The following PLXNA4 variants were observed in gnomAD, a reference collection of about 807,000 sequenced individuals.
PLXNA4 encodes the protein plexin-A4.
A neutral mutation model predicts 191.8 loss-of-function variants in PLXNA4; 44 were observed. The ratio of observed to expected loss-of-function variants is 0.23; its 90% CI spans 0.18 to 0.29. The LOEUF (loss-of-function observed/expected upper bound fraction) is 0.29. PLXNA4 is among the 10% of genes least tolerant of loss of function. The pLI is 1.00. For missense variants in PLXNA4, 1,800 were observed against 2,488.8 expected (o/e 0.72, Z 5.89); for synonymous variants, 1,082 against 1,009.5 (o/e 1.07, Z -1.36).
intron 3 of PLXNA4, among the ~76,000 whole-genome samples, chr7:132,338,260 G>A (rs573571629): frequency 6.6e-6 from 1 of 152,306 alleles, no homozygotes; most frequent in African/African-American, 2.4e-5. Context: ...TCTGCCACCG[G>A]CACAGGAGCC....
In PLXNA4 at chr7:132,204,442, T is replaced by C. The variant is rs554140377; in HGVS notation, c.2299-1023A>G. Among the ~76,000 whole-genome samples, 18 of 152,318 alleles carry C rather than the reference T, an allele frequency of 1.2e-4. No individual in the cohort carries two copies. In the South Asian group the frequency reaches 3.7e-3, roughly 32 times the overall value. ...CGCCACAAGGGGCAGGATGGAAGAATGGAATTGAGACAGATTTTCTGCATG... is the reference window on the plus strand; with the variant it reads ...CGCCACAAGGGGCAGGATGGAAGAACGGAATTGAGACAGATTTTCTGCATG... On this transcript the variant is annotated intron_variant, in intron 10 of 31. Coordinates refer to ENST00000321063, the MANE Select transcript of PLXNA4 (RefSeq NM_020911.2).
intron 2 of PLXNA4, among the ~76,000 whole-genome samples, chr7:132,502,759 T>C (rs1798307380): frequency 6.6e-6 from 1 of 152,188 alleles, no homozygotes; most frequent in African/African-American, 2.4e-5. Context: ...CTGCAGAGGA[T>C]GCCTGCCCTT....
At chr7:132,306,757 C>T (rs1801537922) in intron 3 of PLXNA4, among the ~76,000 whole-genome samples, 1 of 152,138 alleles carries the variant, frequency 6.6e-6, no homozygotes, top group South Asian at 2.1e-4. Context: ...CATGTGTGCA[C>T]ACACATGTAT....
intron 3 of PLXNA4, among the ~76,000 whole-genome samples, chr7:132,392,146 G>T (rs1158499518): frequency 2.6e-5 from 4 of 151,822 alleles, no homozygotes; most frequent in East Asian, 1.9e-4. Flanking sequence ...AAAAAGAAAA[G>T]ATTCCTGGAA....
At chr7:132,639,407 T>G (rs1298088582) in intron 2 of PLXNA4, among the ~76,000 whole-genome samples, 1 of 152,130 alleles carries the variant, frequency 6.6e-6, no homozygotes, top group Non-Finnish European at 1.5e-5. Flanking sequence ...ACTCTCACCA[T>G]CATGACCATG....
chr7:132,329,976 C>A (rs1263449905), intron 3 of PLXNA4, among the ~76,000 whole-genome samples: 1 of 152,290 alleles, frequency 6.6e-6, no homozygotes, highest in East Asian at 1.9e-4. Context: ...GTCTAAGAGA[C>A]CTTAACTCTT....
intron 2 of PLXNA4, among the ~76,000 whole-genome samples, chr7:132,598,297 C>G (rs2116836609): frequency 6.6e-6 from 1 of 152,112 alleles, no homozygotes; most frequent in South Asian, 2.1e-4. Flanking sequence ...TCAGTAGAGA[C>G]AGGGGGTTTC....
intron 3 of PLXNA4, among the ~76,000 whole-genome samples, chr7:132,373,710 T>G (rs1259904363): frequency 1.3e-5 from 2 of 152,156 alleles, no homozygotes; most frequent in Admixed American, 1.3e-4. Flanking sequence ...TTTTTAGCAG[T>G]GGCTTTAAAT....
At chr7:132,352,827 T>C (rs951856369) in intron 3 of PLXNA4, among the ~76,000 whole-genome samples, 1 of 152,172 alleles carries the variant, frequency 6.6e-6, no homozygotes, top group African/African-American at 2.4e-5. Context: ...CCTTCTCCCC[T>C]TTGCTGTACA....
In PLXNA4 at chr7:132,396,292, C is replaced by T. The variant is rs984114928; in HGVS notation, c.1371+93000G>A. 4.6e-5 allele frequency among the ~76,000 whole-genome samples: 7 copies of T among 152,064 alleles called. No individual in the cohort carries two copies. In the South Asian group the frequency reaches 1.0e-3, roughly 23 times the overall value. Reference sequence around the variant, plus strand: ...GTTCCCTAGGTATCTATGGAAGTTTCGGAAAGAGATGAAGAATAGCCAACA... The same window carrying T: ...GTTCCCTAGGTATCTATGGAAGTTTTGGAAAGAGATGAAGAATAGCCAACA... On this transcript the variant is annotated intron_variant, in intron 3 of 31. Transcript: ENST00000321063.
chr7:132,128,133 G>A lies in PLXNA4; in HGVS notation c.*2346C>T, dbSNP rs973406388. The A allele has an allele frequency of 6.6e-5, 10 of 152,172 alleles. No individual in the cohort carries two copies. In the South Asian group the frequency reaches 1.0e-3, roughly 16 times the overall value. The allele number at this position is 152,172 out of a possible 1,614,324, so 9.4% of individuals were successfully genotyped here. A position where few individuals can be genotyped will look rare whatever the true frequency, so the allele number is the denominator to read the frequency against. ...TATGTGCAAAAATATTGTAGTGACC[G>A]AGGTACTTCCTCAGACCGTCTCCCA... On this transcript the variant is annotated 3_prime_UTR_variant, in exon 32 of 32. Transcript: ENST00000321063.
rs117472782 is a variant in PLXNA4 at position 132,460,310 on chromosome 7, G to A, written c.1371+28982C>T. Among the ~76,000 whole-genome samples the A allele has an allele frequency of 0.018, 2,678 of 151,694 alleles. 239 individuals are homozygous for A. The East Asian group carries it at 0.29, about 16-fold the overall frequency. ...GGAAGTCGAGGCTGCAGTGAGCCATGATGATGCCACTGCCACTGCACTCCA... is the reference window on the plus strand; with the variant it reads ...GGAAGTCGAGGCTGCAGTGAGCCATAATGATGCCACTGCCACTGCACTCCA... On this transcript the variant is annotated intron_variant, in intron 3 of 31. Transcript: ENST00000321063.
rs1262394611 is a variant in PLXNA4 at position 132,624,305 on chromosome 7, T to C, written c.-87+21623A>G. Among the ~76,000 whole-genome samples, 3 of 152,260 alleles carry C rather than the reference T, an allele frequency of 2.0e-5. No individual in the cohort carries two copies. The East Asian group carries it at 5.8e-4, about 29-fold the overall frequency. On this transcript the variant is annotated intron_variant, in intron 2 of 4. Transcript: ENST00000378539. ...GATGGTAGCATACTATTCATTAAGA[T>C]CATAGCAATATGCAAAGCACATACA... is the stretch of plus-strand genomic sequence containing the variant.
chr7:132,400,746 G>A (rs1272023572), intron 3 of PLXNA4, among the ~76,000 whole-genome samples: 1 of 152,190 alleles, frequency 6.6e-6, no homozygotes, highest in Non-Finnish European at 1.5e-5. Flanking sequence ...CATCTTGCAA[G>A]TCCCTAGATG....
At chr7:132,593,279 C>T (rs530376395) in intron 2 of PLXNA4, among the ~76,000 whole-genome samples, 3 of 151,266 alleles carry the variant, frequency 2.0e-5, no homozygotes, top group African/African-American at 7.3e-5. Context: ...GTTAGTCACA[C>T]CCTCAGAGAA....
chr7:132,183,070 C>A (rs2116752181), intron 16 of PLXNA4, among the ~76,000 whole-genome samples: 1 of 152,336 alleles, frequency 6.6e-6, no homozygotes, highest in East Asian at 1.9e-4. Context: ...CTAAAACAGG[C>A]TTTAGCAAGT....
At chr7:132,173,784 A>C (rs1448845702) in intron 21 of PLXNA4, among the ~76,000 whole-genome samples, 1 of 152,200 alleles carries the variant, frequency 6.6e-6, no homozygotes, top group Non-Finnish European at 1.5e-5. Flanking sequence ...CTTAGTTTGC[A>C]TTGTTGCTTT....
In PLXNA4 at chr7:132,214,103, G is replaced by A. The variant is rs530027870; in HGVS notation, c.2098-2960C>T. On this transcript the variant is annotated intron_variant, in intron 9 of 31. Transcript: ENST00000321063. ...AGTTTCTGCCCTTCATGAAACAGGA[G>A]AGTTCCCACCAGTGGGCAGGACCAC... is the stretch of plus-strand genomic sequence containing the variant. Among the ~76,000 whole-genome samples the A allele has an allele frequency of 2.6e-5, 4 of 152,300 alleles. No individual in the cohort carries two copies. The East Asian group carries it at 7.7e-4, about 29-fold the overall frequency.
intron 3 of PLXNA4, among the ~76,000 whole-genome samples, chr7:132,422,013 G>A (rs934946223): frequency 2.0e-5 from 3 of 152,202 alleles, no homozygotes; most frequent in Non-Finnish European, 4.4e-5. Flanking sequence ...TGTCTTCAAA[G>A]TGCCCTGAGC....
Sources: allele counts gnomAD v4.1 joint callset (sites outside exome capture counted in the v4.1 genomes callset), GRCh38; gene constraint gnomAD v4.1.1; transcripts MANE v1.5; gene names NCBI Gene and HGNC (gene_info 2026-07-23, HGNC 2026-07-21).